LYST: variants seen among roughly 807,000 people sequenced by gnomAD.
LYST encodes the protein lysosomal trafficking regulator, also known as lysosomal-trafficking regulator.
Under a neutral mutation model 413.6 loss-of-function variants are expected in LYST, and 192 were observed. The observed-to-expected ratio is 0.46, with a 90% CI of 0.41 to 0.52. LYST has a LOEUF of 0.52. Among genes scored for constraint, LYST ranks in the 20% least tolerant of loss-of-function variants. The pLI is 0.00. For synonymous variants in LYST, 1,525 were observed against 1,567.3 expected (o/e 0.97, Z 0.64); for missense variants, 3,815 against 4,499.9 (o/e 0.85, Z 4.35).
intron 48 of LYST, 52 bp from the exon 49 acceptor site, chr1:235,677,671 A>G: frequency 7.2e-7 from 1 of 1,391,548 alleles, no homozygotes; most frequent in Non-Finnish European, 1.0e-6. Context: ...AAAGTACTCT[A>G]GTATAGTATC....
At chr1:235,712,379 T>C (rs1662466377) in intron 42 of LYST, 182 bp from the exon 43 acceptor site, 2 of 541,076 alleles carry the variant, frequency 3.7e-6, no homozygotes, top group Admixed American at 7.1e-5. Flanking sequence ...CTTGAGATCA[T>C]ATTACATTTT....
intron 44 of LYST, among the ~76,000 whole-genome samples, chr1:235,704,554 G>A (rs979313810): frequency 6.6e-6 from 1 of 151,996 alleles, no homozygotes; most frequent in Non-Finnish European, 1.5e-5. Context: ...CGTATGTCTT[G>A]TTTTGAAATG....
At chr1:235,840,217 C>G (rs1445464729) in intron 1 of LYST, 1 of 152,092 alleles carries the variant, frequency 6.6e-6, no homozygotes, top group Admixed American at 6.5e-5. Context: ...CTATGTACTG[C>G]TAAGGGGCAC....
chr1:235,701,797 T>C (rs930057112), intron 45 of LYST, among the ~76,000 whole-genome samples: 2 of 152,232 alleles, frequency 1.3e-5, no homozygotes, highest in African/African-American at 4.8e-5. Context: ...AACAACACTG[T>C]CTACCATATT....
rs531877663 is a variant in LYST at position 235,662,527 on chromosome 1, G to A, written c.*413C>T. 8.3e-6 allele frequency: 2 copies of A among 239,704 alleles called. No homozygotes were observed. The highest frequency in any genetic ancestry group is 1.1e-4 in the East Asian group (1 of 8,930). The allele number at this position is 239,704 out of a possible 1,614,324, so 14.8% of individuals were successfully genotyped here. A position where few individuals can be genotyped will look rare whatever the true frequency, so the allele number is the denominator to read the frequency against. Reference sequence around the variant, plus strand: ...GTGGTGGGAGGAGTATTTCATGGCAGTAAACTTTTAAAATATAATTTTAGT... The same window carrying A: ...GTGGTGGGAGGAGTATTTCATGGCAATAAACTTTTAAAATATAATTTTAGT... On this transcript the variant is annotated 3_prime_UTR_variant, in exon 53 of 53. Transcript: ENST00000389793.
intron 1 of LYST, among the ~76,000 whole-genome samples, chr1:235,845,089 G>A (rs1258093529): frequency 6.6e-6 from 1 of 152,112 alleles, no homozygotes; most frequent in Non-Finnish European, 1.5e-5. Flanking sequence ...GCAATCCCGA[G>A]AGGACCCACA....
intron 21 of LYST, among the ~76,000 whole-genome samples, chr1:235,763,179 C>A (rs534344689): frequency 6.6e-6 from 1 of 152,228 alleles, no homozygotes; most frequent in Admixed American, 6.5e-5. Flanking sequence ...ATTGTTCATC[C>A]TTGAGGAAAG....
chr1:235,681,011 C>G (rs74148746), intron 48 of LYST, among the ~76,000 whole-genome samples: 1,990 of 152,276 alleles, frequency 0.013, 46 homozygotes, highest in African/African-American at 0.044. Flanking sequence ...TGTCACTGAA[C>G]CAGGAGCTGG....
chr1:235,744,456 A>G (rs1369852676), intron 29 of LYST, among the ~76,000 whole-genome samples: 1 of 152,226 alleles, frequency 6.6e-6, no homozygotes, highest in Non-Finnish European at 1.5e-5. Flanking sequence ...CAAATCAAAC[A>G]TAAAGATCAT....
intron 24 of LYST, among the ~76,000 whole-genome samples, chr1:235,755,978 T>C (rs1667002736): frequency 6.6e-6 from 1 of 151,870 alleles, no homozygotes; most frequent in Non-Finnish European, 1.5e-5. Context: ...AAAAAATCCG[T>C]AAACTATGCT....
In LYST at chr1:235,794,085, G is replaced by A. The variant is rs552966761; in HGVS notation, c.4007-473C>T. 1.5e-4 allele frequency among the ~76,000 whole-genome samples: 23 copies of A among 152,082 alleles called. No homozygotes were observed. The East Asian group carries it at 4.3e-3, about 28-fold the overall frequency. ...TGACCTCAGGTGATCCACCTGCCTC[G>A]GCCTCCCAAAGTTCAGGGATTACAG... On this transcript the variant is annotated intron_variant, in intron 10 of 52. Coordinates refer to ENST00000389793, the MANE Select transcript of LYST (RefSeq NM_000081.4).
chr1:235,817,570 T>C (rs946317201), intron 3 of LYST, among the ~76,000 whole-genome samples: 6 of 152,286 alleles, frequency 3.9e-5, no homozygotes, highest in Admixed American at 2.0e-4. Context: ...TGTAGCAATA[T>C]GGATGGACGC....
Position 235,686,905 on chromosome 1 carries a change from A to G in LYST, c.10800+44T>C. On this transcript the variant is annotated intron_variant, in intron 48 of 52. Coordinates refer to ENST00000389793, the MANE Select transcript of LYST (RefSeq NM_000081.4). This position sits in a 1 kb window ranked among gnomAD's most constrained non-coding sequence, Gnocchi z 4.0. ...ACTTCATAAAGGCTTTCTTCCCCTC[A>G]TTGACAAAGTCCCATACTACCCACA... 3 of 1,394,842 alleles carry G rather than the reference A, an allele frequency of 2.2e-6. No individual in the cohort carries two copies. Among genetic ancestry groups the G allele is most frequent in the Non-Finnish European group, 3.1e-6 (3 of 979,682 alleles). The allele number at this position is 1,394,842 out of a possible 1,614,324, so 86.4% of individuals were successfully genotyped here.
intron 6 of LYST, 74 bp from the exon 7 acceptor site, chr1:235,804,739 A>G: frequency 2.2e-6 from 2 of 891,864 alleles, no homozygotes; most frequent in Non-Finnish European, 3.5e-6. Flanking sequence ...AATAAATAAT[A>G]AATATTTACT....
At chr1:235,790,553 G>A (rs1213796154) in intron 12 of LYST, among the ~76,000 whole-genome samples, 3 of 152,172 alleles carry the variant, frequency 2.0e-5, no homozygotes, top group African/African-American at 7.2e-5. Flanking sequence ...AAGGCATAGT[G>A]TCCTAAAACA....
In LYST at chr1:235,791,911, G is replaced by A; in HGVS notation, c.4331C>T (p.Pro1444Leu). 2.5e-6 allele frequency: 4 copies of A among 1,614,110 alleles called. No homozygotes were observed. Among genetic ancestry groups the A allele is most frequent in the Non-Finnish European group, 3.4e-6 (4 of 1,179,980 alleles). ...GTGCCAAGATGAAAGCAGCCGATGG[G>A]GAAAACTCTCTCTATCAGCCTCTTT... ...SKKEADRESF[P>L]HRLLSSWHIA... The change falls in exon 12 of 53, where the codon CCC becomes CTC. Residue 1444 changes from proline to leucine, a missense_variant. Around this residue, in one of 4 missense-constraint regions of LYST, gnomAD observed 1,648 missense variants for 1,810.3 expected, o/e 0.91. Transcript: ENST00000389793.
intron 24 of LYST, among the ~76,000 whole-genome samples, chr1:235,756,221 C>T (rs1667038544): frequency 6.6e-6 from 1 of 152,048 alleles, no homozygotes; most frequent in South Asian, 2.1e-4. Flanking sequence ...ATGACTCTCA[C>T]AGTAGTGATA....
chr1:235,758,880 A>G (rs1667295129), intron 23 of LYST, 92 bp downstream of exon 23: 2 of 1,057,792 alleles, frequency 1.9e-6, no homozygotes, highest in Non-Finnish European at 2.9e-6. Context: ...TTGTATTATA[A>G]GTGGCATAAT....
chr1:235,777,335 A>G, intron 16 of LYST, 27 bp from the exon 17 acceptor site: 1 of 1,603,562 alleles, frequency 6.2e-7, no homozygotes, highest in Non-Finnish European at 8.5e-7. Context: ...TTCATTCAGT[A>G]ATGACAACAA....
Sources: allele counts gnomAD v4.1 joint callset (sites outside exome capture counted in the v4.1 genomes callset), GRCh38; gene constraint gnomAD v4.1.1; regional missense constraint gnomAD v4.1.1; non-coding constraint Gnocchi (gnomAD v3.1); transcripts MANE v1.5; gene names NCBI Gene and HGNC (gene_info 2026-07-23, HGNC 2026-07-21).